HELZ: variants seen among roughly 807,000 people sequenced by gnomAD.
HELZ encodes the protein ATP-dependent RNA helicase with zinc finger domain.
A neutral mutation model predicts 218.2 loss-of-function variants in HELZ; 23 were observed. The observed-to-expected ratio is 0.11, with a 90% confidence interval of 0.08 to 0.15. The LOEUF is 0.15. HELZ is among the 10% of genes least tolerant of loss of function. The probability of loss-of-function intolerance (pLI) is 1.00; values close to 1 mark genes in which losing one functional copy is unlikely to be tolerated. For synonymous variants in HELZ, 814 were observed against 829.4 expected (o/e 0.98, Z 0.32); for missense variants, 1,813 against 2,353.7 (o/e 0.77, Z 4.75).
intron 31 of HELZ, among the ~76,000 whole-genome samples, chr17:67,103,741 G>A (rs1349014978): frequency 6.6e-6 from 1 of 152,088 alleles, no homozygotes; most frequent in Non-Finnish European, 1.5e-5. Flanking sequence ...AAATTAGTAA[G>A]CTGATCCTAA....
rs371850924 is a variant in HELZ, at chr17:67,160,924, T to C, written c.2048A>G (p.Lys683Arg). Residue 683 changes from lysine (K) to arginine (R), a missense_variant, in exon 16 of 33, where the codon AAA becomes AGA. By Grantham distance (26) the Lys-to-Arg change is conservative. Around this residue, in one of 4 missense-constraint regions of HELZ, gnomAD observed 714 missense variants for 1,029.2 expected, o/e 0.69. Coordinates refer to ENST00000358691, the MANE Select transcript of HELZ (RefSeq NM_014877.4). ...GKTFTLAQAV[K>R]HILQQQETRI... Reference sequence around the variant, plus strand: ...AGTCTCCTGTTGCTGCAGAATATGTTTGACAGCCTGAGCTAGAGTGAACGT... The same window carrying C: ...AGTCTCCTGTTGCTGCAGAATATGTCTGACAGCCTGAGCTAGAGTGAACGT... The C allele has an allele frequency of 2.7e-5, 43 of 1,609,758 alleles. No homozygotes were observed. The highest frequency in any genetic ancestry group is 4.0e-5 in the African/African-American group (3 of 74,734).
chr17:67,089,694 G>GAGAGAGAGACAGAGAC (rs776184027), intron 31 of HELZ, among the ~76,000 whole-genome samples: 1 of 100,696 alleles, frequency 9.9e-6, no homozygotes, highest in African/African-American at 4.1e-5. Flanking sequence ...GAGAGAGAGA[G>GAGAGAGAGACAGAGAC]AGAGAGACAG....
intron 31 of HELZ, among the ~76,000 whole-genome samples, chr17:67,095,708 T>C (rs557152619): frequency 5.9e-5 from 9 of 152,332 alleles, no homozygotes; most frequent in African/African-American, 1.9e-4. Flanking sequence ...CTCAAAGGCA[T>C]CCATGGTGAT....
At chr17:67,138,776 T>C (rs1446918462) in intron 21 of HELZ, among the ~76,000 whole-genome samples, 1 of 152,212 alleles carries the variant, frequency 6.6e-6, no homozygotes, top group African/African-American at 2.4e-5. Context: ...TGCAACTGAA[T>C]TTTTCAGACC....
At chr17:67,204,626 A>T (rs1393122785) in intron 5 of HELZ, among the ~76,000 whole-genome samples, 1 of 152,202 alleles carries the variant, frequency 6.6e-6, no homozygotes, top group Non-Finnish European at 1.5e-5. Flanking sequence ...CCATAATAAA[A>T]ATCTTTACAT....
chr17:67,144,041 A>T (rs1321661618), intron 21 of HELZ, among the ~76,000 whole-genome samples: 1 of 152,186 alleles, frequency 6.6e-6, no homozygotes, highest in Non-Finnish European at 1.5e-5. Flanking sequence ...ATCTTTATAA[A>T]AGATATCATT....
chr17:67,078,710 G>A (rs2036092757), intron 32 of HELZ, 124 bp from the exon 33 acceptor site: 1 of 540,078 alleles, frequency 1.9e-6, no homozygotes, highest in East Asian at 3.1e-5. Context: ...TAGCCACAAG[G>A]ACAGACACCT....
intron 12 of HELZ, among the ~76,000 whole-genome samples, chr17:67,180,928 G>A (rs140131251): frequency 2.0e-5 from 3 of 146,816 alleles, no homozygotes; most frequent in African/African-American, 5.1e-5. Flanking sequence ...TGGCATGCAC[G>A]TGTAATCCCA....
In HELZ at chr17:67,120,376, G is replaced by C. The variant is rs138115368; in HGVS notation, c.3838+29C>G. 1.0e-5 allele frequency: 16 copies of C among 1,571,306 alleles called. No individual in the cohort carries two copies. The Admixed American group carries it at 1.5e-4, about 15-fold the overall frequency. The stretch of plus-strand genomic sequence containing the variant: ...AAAACTTTACCTGTCATCAGTTTAT[G>C]AACAGGAGAACAGCGAAGTACAACT... On this transcript the variant is annotated intron_variant, in intron 27 of 32. Transcript: ENST00000358691.
At chr17:67,145,674 T>C (rs1273683088) in intron 21 of HELZ, 69 bp downstream of exon 21, 18 of 1,324,050 alleles carry the variant, frequency 1.4e-5, no homozygotes, top group Non-Finnish European at 1.9e-5. Flanking sequence ...AAACTTTAAA[T>C]AAATGCTTAA....
intron 31 of HELZ, among the ~76,000 whole-genome samples, chr17:67,098,470 C>T (rs1306217084): frequency 2.0e-5 from 3 of 151,964 alleles, no homozygotes; most frequent in African/African-American, 7.3e-5. Context: ...CGTGGTGGCT[C>T]ACGCCTGTAA....
chr17:67,119,994 T>TTTTTTTA (rs2037552935), intron 27 of HELZ: 1 of 163,410 alleles, frequency 6.1e-6, no homozygotes, highest in Admixed American at 8.8e-5. Context: ...CTCCCTTTTC[T>TTTTTTTA]TTTTTTTTTT....
chr17:67,199,157 G>A (rs151111326), intron 7 of HELZ, among the ~76,000 whole-genome samples: 1 of 151,290 alleles, frequency 6.6e-6, no homozygotes, highest in African/African-American at 2.4e-5. Context: ...AAATTAAAAC[G>A]GCTACATATA....
At position 67,149,915 on chromosome 17, in the gene HELZ, T is replaced by C; in HGVS notation, c.2427A>G (p.Ala809=). Residue 809 remains alanine (A), a synonymous_variant, in exon 19 of 33, where the codon GCA becomes GCG. Transcript: ENST00000358691. ...CAATCCGAGTGTTTTGAGTTGCTAA[T>C]GCTAGAGGCATAATGGTTTCACACT... ...AMECETIMPL[A]LATQNTRIVL... 1.9e-6 allele frequency: 3 copies of C among 1,611,692 alleles called. No individual in the cohort carries two copies. The highest frequency in any genetic ancestry group is 2.5e-6 in the Non-Finnish European group (3 of 1,178,688).
chr17:67,125,885 C>G lies in HELZ; in HGVS notation c.3388-1871G>C, dbSNP rs528716046. On this transcript the variant is annotated intron_variant, in intron 24 of 32. Transcript: ENST00000358691. The stretch of plus-strand genomic sequence containing the variant: ...AGCGGAAGAGGAAGTAAGAGAGATT[C>G]CCAGGGAAAGGAGGATTCAATGCAC... 1.7e-4 allele frequency among the ~76,000 whole-genome samples: 26 copies of G among 152,208 alleles called. No homozygotes were observed. The South Asian group carries it at 4.6e-3, about 27-fold the overall frequency.
intron 22 of HELZ, among the ~76,000 whole-genome samples, 164 bp downstream of exon 22, chr17:67,137,767 A>C (rs913522369): frequency 2.6e-5 from 4 of 152,236 alleles, no homozygotes; most frequent in Non-Finnish European, 4.4e-5. Flanking sequence ...CTTAATAAAC[A>C]TGTAAATGAA....
chr17:67,117,098 G>A (rs186758673), intron 27 of HELZ, among the ~76,000 whole-genome samples: 4 of 151,854 alleles, frequency 2.6e-5, no homozygotes, highest in Non-Finnish European at 4.4e-5. Context: ...CAGGTGATCC[G>A]CTCACCTCAG....
At chr17:67,181,054 A>AAAATAAAT (rs891447151) in intron 12 of HELZ, among the ~76,000 whole-genome samples, 1 of 152,002 alleles carries the variant, frequency 6.6e-6, no homozygotes, top group Admixed American at 6.5e-5. Flanking sequence ...TCTGTCTCAA[A>AAAATAAAT]AAATAAATAA....
chr17:67,128,885 C>T (rs780608065), intron 23 of HELZ, 30 bp from the exon 24 acceptor site: 13 of 1,467,584 alleles, frequency 8.9e-6, no homozygotes, highest in Non-Finnish European at 1.2e-5. Flanking sequence ...GATCAGATTA[C>T]AATTCAATGG....
Sources: allele counts gnomAD v4.1 joint callset (sites outside exome capture counted in the v4.1 genomes callset), GRCh38; gene constraint gnomAD v4.1.1; regional missense constraint gnomAD v4.1.1; transcripts MANE v1.5; gene names NCBI Gene and HGNC (gene_info 2026-07-23, HGNC 2026-07-21).